PPP1R3A: variants seen among roughly 807,000 people sequenced by gnomAD.
The protein encoded by PPP1R3A is protein phosphatase 1 regulatory subunit 3A.
A neutral mutation model predicts 41.7 loss-of-function variants in PPP1R3A; 29 were observed. The observed-to-expected ratio is 0.70, with a 90% CI of 0.52 to 0.95. PPP1R3A has a LOEUF of 0.95. PPP1R3A is among the 40% of genes least tolerant of loss of function. The probability of loss-of-function intolerance (pLI) is 0.00; values close to 1 mark genes in which losing one functional copy is unlikely to be tolerated. For synonymous variants in PPP1R3A, 485 were observed against 453.4 expected (o/e 1.07, Z -0.89); for missense variants, 1,352 against 1,292.4 (o/e 1.05, Z -0.71).
chr7:113,889,802 A>G (rs1457080620), intron 1 of PPP1R3A, among the ~76,000 whole-genome samples: 1 of 152,190 alleles, frequency 6.6e-6, no homozygotes, highest in Non-Finnish European at 1.5e-5. Context: ...TTTAACAAAT[A>G]TTTAGTGAGT....
In PPP1R3A at chr7:113,878,212, G is replaced by C; in HGVS notation, c.2880C>G (p.Ile960Met). Residue 960 changes from isoleucine (I) to methionine (M), a missense_variant, in exon 4 of 4, where the codon ATC becomes ATG. Coordinates refer to ENST00000284601, the MANE Select transcript of PPP1R3A (RefSeq NM_002711.4). The part of the protein sequence containing the change: ...SENICNSTRE[I>M]QGIEKHPYPE... Reference sequence around the variant, plus strand: ...GATAAGGGTGCTTCTCAATACCCTGGATTTCTCTTGTTGAATTACAAATAT... The same window carrying C: ...GATAAGGGTGCTTCTCAATACCCTGCATTTCTCTTGTTGAATTACAAATAT... 6.2e-7 allele frequency: 1 copy of C among 1,613,278 alleles called. No homozygotes were observed. Among genetic ancestry groups the C allele is most frequent in the Non-Finnish European group, 8.5e-7 (1 of 1,179,618 alleles).
chr7:113,879,513 T>G lies in PPP1R3A; in HGVS notation c.1579A>C (p.Asn527His). 1.2e-6 allele frequency: 2 copies of G among 1,613,048 alleles called. No individual in the cohort carries two copies. Among genetic ancestry groups the G allele is most frequent in the African/African-American group, 1.3e-5 (1 of 74,988 alleles). The change falls in exon 4 of 4, where the codon AAT (asparagine) becomes CAT (histidine). Residue 527 changes from asparagine (N) to histidine (H), a missense_variant. Transcript: ENST00000284601. Reference sequence around the variant, plus strand: ...TGGAAATTTTTTCTTTGTTTTTCATTAACACCTAAATATATTCTTTGTTCT... The same window carrying G: ...TGGAAATTTTTTCTTTGTTTTTCATGAACACCTAAATATATTCTTTGTTCT... ...DEEQRIYLGV[N>H]EKQRKNFQTI...
At position 113,879,158 on chromosome 7, in the gene PPP1R3A, T is replaced by A; in HGVS notation, c.1934A>T (p.Asp645Val). The A allele has an allele frequency of 1.2e-6, 2 of 1,613,688 alleles. No homozygotes were observed. The highest frequency in any genetic ancestry group is 1.6e-4 in the Middle Eastern group (1 of 6,062). The change falls in exon 4 of 4, where the codon GAT becomes GTT. Residue 645 changes from aspartate to valine, a missense_variant. Physicochemically the swap from Asp to Val is radical, Grantham distance 152. Transcript: ENST00000284601. Reference protein sequence around the residue: ...EEKSGGINSEDQDNSPQHKQS... With the variant: ...EEKSGGINSEVQDNSPQHKQS... Reference sequence around the variant, plus strand: ...TTTATGCTGTGGGCTATTATCCTGATCTTCAGAATTAATCCCACCTGATTT... The same window carrying A: ...TTTATGCTGTGGGCTATTATCCTGAACTTCAGAATTAATCCCACCTGATTT...
At chr7:113,885,582 G>A (rs1347375323) in intron 1 of PPP1R3A, among the ~76,000 whole-genome samples, 2 of 151,868 alleles carry the variant, frequency 1.3e-5, no homozygotes, top group African/African-American at 4.8e-5. Flanking sequence ...AGCTATATAA[G>A]TCTTGAATCA....
chr7:113,911,818 G>A (rs570109905), intron 1 of PPP1R3A, among the ~76,000 whole-genome samples: 5 of 152,128 alleles, frequency 3.3e-5, no homozygotes, highest in Non-Finnish European at 5.9e-5. Flanking sequence ...GCATTTCTCC[G>A]TTAATCTTGG....
intron 1 of PPP1R3A, among the ~76,000 whole-genome samples, chr7:113,906,252 T>C (rs1291394763): frequency 6.6e-6 from 1 of 151,834 alleles, no homozygotes; most frequent in Admixed American, 6.6e-5. Context: ...CAGTTATTGC[T>C]GGGACAAATC....
rs1010580864 is a variant in PPP1R3A at position 113,891,818 on chromosome 7, C to T, written c.783-9498G>A. Among the ~76,000 whole-genome samples the T allele has an allele frequency of 2.0e-5, 3 of 152,052 alleles. No individual in the cohort carries two copies. The South Asian group carries it at 6.2e-4, about 32-fold the overall frequency. On this transcript the variant is annotated intron_variant, in intron 1 of 3. Transcript: ENST00000284601. The stretch of plus-strand genomic sequence containing the variant: ...CTATAATGCCATTGTGCTAAAACCC[C>T]ATATGTCTCTTAAAAAACGAGCAAA...
At chr7:113,904,398 A>G (rs923523456) in intron 1 of PPP1R3A, among the ~76,000 whole-genome samples, 4 of 151,758 alleles carry the variant, frequency 2.6e-5, no homozygotes, top group African/African-American at 9.7e-5. Context: ...ATAATGTTAT[A>G]CCACTTAAGA....
rs142287431 is a variant in PPP1R3A, at chr7:113,897,904, A to G, written c.783-15584T>C. 2.9e-3 allele frequency among the ~76,000 whole-genome samples: 435 copies of G among 151,906 alleles called. 2 individuals are homozygous for G. The highest frequency in any genetic ancestry group is 0.01 in the African/African-American group (415 of 41,500). On this transcript the variant is annotated intron_variant, in intron 1 of 3. Coordinates refer to ENST00000284601, the MANE Select transcript of PPP1R3A (RefSeq NM_002711.4). ...GCAGGTCACTGAGGAAATGGACCAC[A>G]CACTGGGATTGCTAAAGGAGTGAAG...
At chr7:113,907,794 C>A (rs565713057) in intron 1 of PPP1R3A, among the ~76,000 whole-genome samples, 5 of 151,794 alleles carry the variant, frequency 3.3e-5, no homozygotes, top group African/African-American at 1.2e-4. Flanking sequence ...CCTAGAAATG[C>A]CACCATTGTA....
At chr7:113,881,925 G>A in intron 3 of PPP1R3A, 114 bp downstream of exon 3, 2 of 1,225,536 alleles carry the variant, frequency 1.6e-6, no homozygotes, top group Non-Finnish European at 2.4e-6. Flanking sequence ...AATAGGCTGT[G>A]CTTTCACATT....
At chr7:113,906,526 T>C (rs962383285) in intron 1 of PPP1R3A, among the ~76,000 whole-genome samples, 6 of 151,626 alleles carry the variant, frequency 4.0e-5, no homozygotes, top group African/African-American at 1.5e-4. Flanking sequence ...GGGGGATAAA[T>C]GTAACTTTGA....
chr7:113,899,401 C>T (rs1797028256), intron 1 of PPP1R3A, among the ~76,000 whole-genome samples: 2 of 151,892 alleles, frequency 1.3e-5, no homozygotes, highest in African/African-American at 4.8e-5. Flanking sequence ...CAAGTCATCA[C>T]TGAGGGAGCA....
At chr7:113,913,691 G>C (rs562095211) in intron 1 of PPP1R3A, among the ~76,000 whole-genome samples, 1 of 152,030 alleles carries the variant, frequency 6.6e-6, no homozygotes, top group Non-Finnish European at 1.5e-5. Context: ...AGCAGGCAGT[G>C]GGGAAAAAAA....
chr7:113,914,162 A>G (rs1797301320), intron 1 of PPP1R3A, among the ~76,000 whole-genome samples: 1 of 152,144 alleles, frequency 6.6e-6, no homozygotes, highest in African/African-American at 2.4e-5. Context: ...TGATATCCTC[A>G]TGTGTGTCTA....
At chr7:113,905,537 A>T (rs1037916302) in intron 1 of PPP1R3A, among the ~76,000 whole-genome samples, 5 of 151,872 alleles carry the variant, frequency 3.3e-5, no homozygotes, top group Non-Finnish European at 5.9e-5. Context: ...CTATAAATCT[A>T]AAATTTTATC....
At chr7:113,882,235 G>T in intron 2 of PPP1R3A, 27 bp downstream of exon 2, 1 of 1,567,498 alleles carries the variant, frequency 6.4e-7, no homozygotes, top group Non-Finnish European at 8.8e-7. Context: ...AGACAAATTT[G>T]GTTTTAAAAT....
intron 1 of PPP1R3A, among the ~76,000 whole-genome samples, chr7:113,908,811 TA>T (rs1450191820): frequency 6.6e-6 from 1 of 151,832 alleles, no homozygotes. Flanking sequence ...ATGCACCCCT[TA>T]AAAATAATGA....
intron 1 of PPP1R3A, among the ~76,000 whole-genome samples, chr7:113,907,527 A>T (rs1172838677): frequency 2.0e-5 from 3 of 151,778 alleles, no homozygotes; most frequent in Admixed American, 1.3e-4. Context: ...AACCAAAAAA[A>T]AAAATCAACA....
Sources: allele counts gnomAD v4.1 joint callset (sites outside exome capture counted in the v4.1 genomes callset), GRCh38; gene constraint gnomAD v4.1.1; transcripts MANE v1.5; gene names NCBI Gene and HGNC (gene_info 2026-07-23, HGNC 2026-07-21).